NTRK2: variants seen among roughly 807,000 people sequenced by gnomAD.
NTRK2 encodes the protein BDNF/NT-3 growth factors receptor.
In NTRK2, 13 loss-of-function variants were observed where a neutral mutation model predicts 94.5. The observed-to-expected ratio is 0.14, with a 90% confidence interval of 0.09 to 0.22. The LOEUF is 0.22. Among genes scored for constraint, NTRK2 ranks in the 10% least tolerant of loss-of-function variants. NTRK2 has a pLI of 1.00. For synonymous variants in NTRK2, 372 were observed against 407.4 expected (o/e 0.91, Z 1.05); for missense variants, 639 against 1,071.2 (o/e 0.60, Z 5.63).
At chr9:84,677,502 G>T (rs2059130747) in intron 2 of NTRK2, among the ~76,000 whole-genome samples, 1 of 152,112 alleles carries the variant, frequency 6.6e-6, no homozygotes, top group African/African-American at 2.4e-5. Context: ...GGACGTGAAG[G>T]GCCCTTTACA....
chr9:84,757,723 A>G (rs2065207609), intron 12 of NTRK2, among the ~76,000 whole-genome samples: 1 of 152,164 alleles, frequency 6.6e-6, no homozygotes, highest in Non-Finnish European at 1.5e-5. Flanking sequence ...TAAATATGTA[A>G]TGTTGTTAAT....
intron 2 of NTRK2, among the ~76,000 whole-genome samples, chr9:84,675,093 T>A (rs959282909): frequency 8.5e-5 from 13 of 152,186 alleles, no homozygotes; most frequent in Admixed American, 6.5e-5. Context: ...TCTCACTGTT[T>A]CTATCCCATA....
intron 12 of NTRK2, among the ~76,000 whole-genome samples, chr9:84,845,286 GC>G (rs2074413723): frequency 8.1e-6 from 1 of 123,760 alleles, no homozygotes; most frequent in Non-Finnish European, 1.7e-5. Context: ...CACACACACG[GC>G]TATCACTATT....
intron 17 of NTRK2, among the ~76,000 whole-genome samples, chr9:85,012,057 C>T (rs1401361701): frequency 6.6e-6 from 1 of 151,172 alleles, no homozygotes; most frequent in South Asian, 2.1e-4. Flanking sequence ...GGCGCGATCT[C>T]GGCTCACTGC....
At chr9:84,907,285 G>A (rs1277097132) in intron 14 of NTRK2, among the ~76,000 whole-genome samples, 2 of 152,194 alleles carry the variant, frequency 1.3e-5, no homozygotes, top group African/African-American at 2.4e-5. Context: ...TCCAGTAAGA[G>A]AGTCTTCACC....
chr9:84,899,664 T>G (rs1194838909), intron 14 of NTRK2, among the ~76,000 whole-genome samples: 1 of 152,154 alleles, frequency 6.6e-6, no homozygotes, highest in Non-Finnish European at 1.5e-5. Flanking sequence ...ATTGTTTAGG[T>G]GAAAATTGTG....
chr9:84,949,140 T>C (rs1340831318), intron 16 of NTRK2, among the ~76,000 whole-genome samples: 3 of 152,072 alleles, frequency 2.0e-5, no homozygotes, highest in Non-Finnish European at 4.4e-5. Context: ...TTGGACTTTA[T>C]CCTAAGGACA....
At chr9:84,890,186 C>T (rs1331521884) in intron 14 of NTRK2, among the ~76,000 whole-genome samples, 1 of 152,110 alleles carries the variant, frequency 6.6e-6, no homozygotes, top group Non-Finnish European at 1.5e-5. Context: ...CCTTTACTTC[C>T]CCCTCCCTCA....
chr9:84,887,843 C>T (rs1368139215), intron 14 of NTRK2, among the ~76,000 whole-genome samples: 2 of 152,194 alleles, frequency 1.3e-5, no homozygotes, highest in Non-Finnish European at 1.5e-5. Context: ...GCTGGATCCA[C>T]ATTTTTTTTC....
At chr9:84,992,931 A>T (rs1028688295) in intron 17 of NTRK2, among the ~76,000 whole-genome samples, 6 of 146,294 alleles carry the variant, frequency 4.1e-5, no homozygotes, top group Admixed American at 1.4e-4. Context: ...AATATATTTA[A>T]TGTATTATAT....
At chr9:84,892,786 G>C (rs2076633979) in intron 14 of NTRK2, among the ~76,000 whole-genome samples, 1 of 152,074 alleles carries the variant, frequency 6.6e-6, no homozygotes, top group Non-Finnish European at 1.5e-5. Flanking sequence ...GCTGGGTGTG[G>C]TGGCAGGCAC....
At chr9:84,911,502 G>A (rs2077234556) in intron 14 of NTRK2, among the ~76,000 whole-genome samples, 1 of 152,038 alleles carries the variant, frequency 6.6e-6, no homozygotes, top group South Asian at 2.1e-4. Flanking sequence ...GGTCATTTGT[G>A]CTTTTCAAAG....
chr9:84,697,908 CTCTG>C (rs2060485664), intron 2 of NTRK2, among the ~76,000 whole-genome samples: 2 of 152,074 alleles, frequency 1.3e-5, no homozygotes, highest in Admixed American at 1.3e-4. Context: ...TTGTTGCAGT[CTCTG>C]TCTCTCTTTC....
chr9:84,964,581 A>G (rs1825338990), intron 17 of NTRK2, among the ~76,000 whole-genome samples: 1 of 152,110 alleles, frequency 6.6e-6, no homozygotes, highest in African/African-American at 2.4e-5. Context: ...CTTCTCTGGT[A>G]TTCTGTCCTT....
chr9:84,978,228 G>A (rs1045473219), intron 17 of NTRK2, among the ~76,000 whole-genome samples: 3 of 152,186 alleles, frequency 2.0e-5, no homozygotes, highest in Admixed American at 2.0e-4. Context: ...GGTGAAAAGC[G>A]AGGCCTCTTG....
chr9:84,882,538 C>G (rs1311254194), intron 14 of NTRK2, among the ~76,000 whole-genome samples: 2 of 152,082 alleles, frequency 1.3e-5, no homozygotes, highest in African/African-American at 4.8e-5. Flanking sequence ...TAGTTTTTCT[C>G]AAATATGCAA....
At chr9:84,926,161 CCTTCCTTCCTTTCTTT>C (rs1306066492) in intron 14 of NTRK2, among the ~76,000 whole-genome samples, 1,137 of 62,942 alleles carry the variant, frequency 0.018, 5 homozygotes, top group Non-Finnish European at 0.021. Flanking sequence ...TTCCTTCCTT[CCTTCCTTCCTTTCTTT>C]CTTTCTTTCT....
intron 12 of NTRK2, among the ~76,000 whole-genome samples, chr9:84,856,311 T>G (rs1320139202): frequency 6.6e-6 from 1 of 152,148 alleles, no homozygotes; most frequent in African/African-American, 2.4e-5. Flanking sequence ...TTATTAAGGA[T>G]ATGTCCTTAA....
intron 2 of NTRK2, among the ~76,000 whole-genome samples, chr9:84,690,624 C>A (rs1215812063): frequency 1.3e-5 from 2 of 151,516 alleles, no homozygotes; most frequent in African/African-American, 4.9e-5. Context: ...GAGGCCGAGG[C>A]AGGAGAATGG....
Sources: gnomAD v4.1 joint callset for allele counts (sites outside exome capture counted in the v4.1 genomes callset) on GRCh38, gnomAD v4.1.1 for gene constraint, MANE v1.5 for transcripts, NCBI Gene and HGNC (gene_info 2026-07-23, HGNC 2026-07-21) for gene names.